SLC9D1: variants seen among roughly 807,000 people sequenced by gnomAD.
The protein encoded by SLC9D1 is solute carrier family 9 member D1, also known as putative LAG1-interacting protein.
At chr13:113,538,504 G>A in the SLC9D1 span, among the ~76,000 whole-genome samples, 1 of 152,204 alleles carries the variant, frequency 6.6e-6, no homozygotes, top group African/African-American at 2.4e-5. Flanking sequence ...GCGCTCCTGT[G>A]CGTCTGTTGG....
chr13:113,549,606 C>CT, the SLC9D1 span: 1 of 1,604,364 alleles, frequency 6.2e-7, no homozygotes, highest in Non-Finnish European at 8.5e-7. Context: ...TGGCCAGCAG[C>CT]TGCTCCTTCT....
At chr13:113,519,439 A>G in the SLC9D1 span, among the ~76,000 whole-genome samples, 8 of 151,792 alleles carry the variant, frequency 5.3e-5, no homozygotes, top group East Asian at 1.9e-4. Context: ...TACAGAGTTC[A>G]TAGCTGGAAC....
the SLC9D1 span, among the ~76,000 whole-genome samples, chr13:113,538,242 G>GCGTGTGGTGTA: frequency 1.6e-4 from 25 of 151,982 alleles, 1 homozygote; most frequent in Non-Finnish European, 2.9e-4. Flanking sequence ...TGTGTGGTGT[G>GCGTGTGGTGTA]TGTGTGGTAT....
At chr13:113,540,410 A>T in the SLC9D1 span, among the ~76,000 whole-genome samples, 1 of 152,050 alleles carries the variant, frequency 6.6e-6, no homozygotes, top group East Asian at 1.9e-4. Context: ...TTGCCTTTTG[A>T]CTTTTTAGAA....
the SLC9D1 span, chr13:113,520,859 C>A: frequency 1.4e-6 from 1 of 718,898 alleles, no homozygotes; most frequent in East Asian, 2.6e-5. Flanking sequence ...TGCACAGTCC[C>A]TGGAGCAACA....
the SLC9D1 span, chr13:113,529,976 T>C: frequency 1.3e-5 from 2 of 152,214 alleles, no homozygotes; most frequent in African/African-American, 4.8e-5. Flanking sequence ...AGAACTCAAA[T>C]GTCAATTAGA....
the SLC9D1 span, chr13:113,539,396 T>C: frequency 6.2e-7 from 1 of 1,613,556 alleles, no homozygotes; most frequent in Non-Finnish European, 8.5e-7. The surrounding 1 kb of genome is among the most constrained non-coding windows in gnomAD (Gnocchi z 4.8). Flanking sequence ...GCTGGGCTGT[T>C]TCCTGGCTGG....
At chr13:113,548,531 G>C in the SLC9D1 span, 1 of 1,493,860 alleles carries the variant, frequency 6.7e-7, no homozygotes, top group Non-Finnish European at 9.0e-7. Flanking sequence ...TGGCGAAGGC[G>C]GCTCGGCAGC....
the SLC9D1 span, among the ~76,000 whole-genome samples, chr13:113,526,027 C>T: frequency 6.8e-6 from 1 of 147,374 alleles, no homozygotes; most frequent in African/African-American, 2.6e-5. Context: ...TCGTAGGAGA[C>T]GACAGCTATG....
At chr13:113,539,512 T>C in the SLC9D1 span, 1 of 1,610,796 alleles carries the variant, frequency 6.2e-7, no homozygotes, top group Admixed American at 1.7e-5. This position sits in a 1 kb window ranked among gnomAD's most constrained non-coding sequence, Gnocchi z 4.8. Flanking sequence ...CCATAGGTAA[T>C]CTTCCTTCTT....
the SLC9D1 span, among the ~76,000 whole-genome samples, chr13:113,537,274 C>T: frequency 2.0e-5 from 3 of 152,228 alleles, no homozygotes; most frequent in Admixed American, 1.3e-4. Flanking sequence ...GCCACCATCA[C>T]CACTACCCAA....
the SLC9D1 span, chr13:113,539,571 T>C: frequency 2.0e-6 from 3 of 1,510,838 alleles, no homozygotes; most frequent in Non-Finnish European, 2.7e-6. This position sits in a 1 kb window ranked among gnomAD's most constrained non-coding sequence, Gnocchi z 4.8. Flanking sequence ...TTCTGTAATA[T>C]GTTTACGTGC....
chr13:113,518,638 C>A, the SLC9D1 span, among the ~76,000 whole-genome samples: 1 of 152,124 alleles, frequency 6.6e-6, no homozygotes, highest in South Asian at 2.1e-4. Flanking sequence ...GCCTCCCTCC[C>A]GTCTTGCGAA....
chr13:113,527,856 G>C, the SLC9D1 span: 1 of 152,170 alleles, frequency 6.6e-6, no homozygotes, highest in Admixed American at 6.5e-5. Flanking sequence ...TCCTCGGTCC[G>C]TTTCTGTGTG....
the SLC9D1 span, among the ~76,000 whole-genome samples, chr13:113,533,719 G>A: frequency 6.6e-6 from 1 of 152,218 alleles, no homozygotes; most frequent in Non-Finnish European, 1.5e-5. Context: ...AGACTTTGAT[G>A]TGCGGCTGAG....
At chr13:113,511,140 C>G in the SLC9D1 span, among the ~76,000 whole-genome samples, 1 of 152,082 alleles carries the variant, frequency 6.6e-6, no homozygotes, top group African/African-American at 2.4e-5. Flanking sequence ...GGACCGTGTC[C>G]CTGTGCGGGG....
chr13:113,518,740 A>G, the SLC9D1 span, among the ~76,000 whole-genome samples: 1 of 152,186 alleles, frequency 6.6e-6, no homozygotes, highest in African/African-American at 2.4e-5. Flanking sequence ...CATGGACAAT[A>G]TTAGTTGGGA....
At chr13:113,513,444 A>C in the SLC9D1 span, among the ~76,000 whole-genome samples, 3 of 152,090 alleles carry the variant, frequency 2.0e-5, no homozygotes, top group Non-Finnish European at 4.4e-5. Context: ...TTAGAAAAGG[A>C]GATGTTTGAG....
the SLC9D1 span, among the ~76,000 whole-genome samples, chr13:113,521,687 T>A: frequency 6.6e-6 from 1 of 152,054 alleles, no homozygotes; most frequent in Non-Finnish European, 1.5e-5. Context: ...CTTGGGTTCG[T>A]ATGGAGAGAG....
Sources: gnomAD v4.1 joint callset for allele counts (sites outside exome capture counted in the v4.1 genomes callset) on GRCh38, gnomAD v4.1.1 for gene constraint, Gnocchi (gnomAD v3.1) non-coding constraint, MANE v1.5 for transcripts, NCBI Gene and HGNC (gene_info 2026-07-23, HGNC 2026-07-21) for gene names.